MALRD1: variants seen among roughly 807,000 people sequenced by gnomAD.
The protein encoded by MALRD1 is MAM and LDL receptor class A domain containing 1.
A neutral mutation model predicts 242.1 loss-of-function variants in MALRD1; 247 were observed. The observed-to-expected ratio is 1.02, with a 90% CI of 0.92 to 1.13. MALRD1 has a LOEUF of 1.13. Ranked by LOEUF, MALRD1 falls within the 50% of genes most tolerant of loss-of-function variation. MALRD1 has a pLI of 0.00. For synonymous variants in MALRD1, 995 were observed against 866.6 expected (o/e 1.15, Z -2.60); for missense variants, 2,989 against 2,533.1 (o/e 1.18, Z -3.86).
chr10:19,503,751 A>C (rs937527256), intron 31 of MALRD1, among the ~76,000 whole-genome samples: 1 of 152,198 alleles, frequency 6.6e-6, no homozygotes, highest in South Asian at 2.1e-4. Flanking sequence ...CTAGCATTTA[A>C]ATAAGTTTGA....
chr10:19,240,442 A>C (rs776826064), intron 18 of MALRD1, among the ~76,000 whole-genome samples: 5 of 152,066 alleles, frequency 3.3e-5, no homozygotes, highest in Admixed American at 6.6e-5. Context: ...AAAGAGAGAG[A>C]GATCATATAT....
intron 18 of MALRD1, among the ~76,000 whole-genome samples, chr10:19,252,924 A>T (rs1220885721): frequency 1.3e-5 from 2 of 152,020 alleles, no homozygotes; most frequent in Non-Finnish European, 1.5e-5. Context: ...TTTATATTGT[A>T]TCCAGCAAAT....
At chr10:19,055,569 G>A (rs78968778) in intron 1 of MALRD1, among the ~76,000 whole-genome samples, 17,908 of 152,114 alleles carry the variant, frequency 0.12, 1,061 homozygotes, top group East Asian at 0.21. Context: ...TCCATTTCAA[G>A]TTGATTATTT....
chr10:19,106,189 C>G (rs72788929), intron 5 of MALRD1, among the ~76,000 whole-genome samples: 66,126 of 151,550 alleles, frequency 0.44, 14,695 homozygotes, highest in Admixed American at 0.52. Context: ...TAGTATCTAT[C>G]ATTCTATTCT....
chr10:19,307,922 T>C (rs1267343549), intron 21 of MALRD1, among the ~76,000 whole-genome samples: 1 of 151,544 alleles, frequency 6.6e-6, no homozygotes, highest in Non-Finnish European at 1.5e-5. Context: ...AGTAGGTGTA[T>C]ATATTTATGA....
At chr10:19,386,225 A>G (rs1229647567) in intron 26 of MALRD1, among the ~76,000 whole-genome samples, 1 of 152,126 alleles carries the variant, frequency 6.6e-6, no homozygotes, top group Admixed American at 6.6e-5. Context: ...TTGTATCACC[A>G]GCCGTTTCCA....
At chr10:19,581,468 T>C (rs2131508733) in intron 33 of MALRD1, among the ~76,000 whole-genome samples, 1 of 151,002 alleles carries the variant, frequency 6.6e-6, no homozygotes, top group East Asian at 2.0e-4. Flanking sequence ...GAATATGTGG[T>C]GTTTGGTATT....
intron 14 of MALRD1, among the ~76,000 whole-genome samples, chr10:19,185,437 G>A (rs1410601151): frequency 6.6e-6 from 1 of 151,772 alleles, no homozygotes; most frequent in Admixed American, 6.6e-5. Context: ...AAACATGTAA[G>A]TCTCTACTGA....
At chr10:19,595,520 A>T in intron 34 of MALRD1, 63 bp downstream of exon 34, 1 of 1,470,360 alleles carries the variant, frequency 6.8e-7, no homozygotes, top group Non-Finnish European at 9.1e-7. Context: ...TGAGAAAGAA[A>T]GCTCGACAGA....
At chr10:19,440,444 A>T in intron 28 of MALRD1, among the ~76,000 whole-genome samples, 1 of 152,000 alleles carries the variant, frequency 6.6e-6, no homozygotes, top group East Asian at 1.9e-4. Flanking sequence ...TGCTGCACTC[A>T]TTAACTCATC....
At chr10:19,431,147 C>G (rs1393686194) in intron 28 of MALRD1, among the ~76,000 whole-genome samples, 1 of 152,094 alleles carries the variant, frequency 6.6e-6, no homozygotes. Context: ...TTTTTCCTAA[C>G]TCTCTCCCTC....
rs1283854907 is a variant in MALRD1, at chr10:19,251,138, A to G, written c.2992-6546A>G. 2.0e-5 allele frequency among the ~76,000 whole-genome samples: 3 copies of G among 151,866 alleles called. No individual in the cohort carries two copies. The East Asian group carries it at 5.8e-4, about 29-fold the overall frequency. On this transcript the variant is annotated intron_variant, in intron 18 of 39. Coordinates refer to ENST00000454679, the MANE Select transcript of MALRD1 (RefSeq NM_001142308.3). ...GAGGGGAGGCTGAGTTGATTTAACC[A>G]TTCCAGTGTGCAGATACATTAGAAA... is the stretch of plus-strand genomic sequence containing the variant.
rs138861582 is a variant in MALRD1 at position 19,428,652 on chromosome 10, C to T, written c.4846-21655C>T. Among the ~76,000 whole-genome samples the T allele has an allele frequency of 3.3e-5, 5 of 151,904 alleles. No homozygotes were observed. The East Asian group carries it at 9.7e-4, about 29-fold the overall frequency. ...GGTGCTAAAGTTCACACACCCCTAT[C>T]CAGAAACTCTTTCAATCATTTGAAA... On this transcript the variant is annotated intron_variant, in intron 28 of 39. Transcript: ENST00000454679.
At chr10:19,176,812 CTGTGTGTCTG>C (rs1564445478) in intron 14 of MALRD1, among the ~76,000 whole-genome samples, 1 of 141,382 alleles carries the variant, frequency 7.1e-6, no homozygotes, top group Non-Finnish European at 1.6e-5. Context: ...GCGTGTCTGC[CTGTGTGTCTG>C]TGTGTGTGTG....
intron 35 of MALRD1, among the ~76,000 whole-genome samples, chr10:19,608,919 A>G (rs558344632): frequency 6.6e-6 from 1 of 152,180 alleles, no homozygotes; most frequent in Admixed American, 6.6e-5. Context: ...ATGAGATACC[A>G]GTATTATTTT....
At chr10:19,374,372 T>C (rs1386738616) in intron 26 of MALRD1, among the ~76,000 whole-genome samples, 3 of 152,230 alleles carry the variant, frequency 2.0e-5, no homozygotes, top group Non-Finnish European at 4.4e-5. Flanking sequence ...TGTAATAGTT[T>C]ACATGATAAA....
Position 19,718,107 on chromosome 10 carries a change from GGAAGAAGAA to G in MALRD1, c.6315-12587_6315-12579del, listed in dbSNP as rs34633700. ...AAGTAGAAGAAGAAGAAGAGGAAGA[GGAAGAAGAA>G]GAAGAAGAAGAGGAAGAAGAGGAAG... On this transcript the variant is annotated intron_variant, in intron 38 of 39. Transcript: ENST00000454679. Among the ~76,000 whole-genome samples the G allele has an allele frequency of 5.6e-5, 8 of 142,384 alleles. 1 individual carries two copies. Among genetic ancestry groups the G allele is most frequent in the African/African-American group, 1.4e-4 (5 of 37,020 alleles). The allele number at this position is 142,384 out of a possible 152,430, so 93.4% of individuals were successfully genotyped here.
At chr10:19,375,985 G>C (rs1000965995) in intron 26 of MALRD1, among the ~76,000 whole-genome samples, 1 of 152,148 alleles carries the variant, frequency 6.6e-6, no homozygotes, top group Non-Finnish European at 1.5e-5. Context: ...TGCTGGGCGT[G>C]GTGATGCACA....
intron 29 of MALRD1, among the ~76,000 whole-genome samples, chr10:19,460,588 A>C (rs190630274): frequency 4.6e-5 from 7 of 152,274 alleles, no homozygotes; most frequent in Admixed American, 3.9e-4. Context: ...CCCAGCACTA[A>C]TATAAACACT....
Sources: gnomAD v4.1 joint callset for allele counts (sites outside exome capture counted in the v4.1 genomes callset) on GRCh38, gnomAD v4.1.1 for gene constraint, MANE v1.5 for transcripts, NCBI Gene and HGNC (gene_info 2026-07-23, HGNC 2026-07-21) for gene names.